Variants in ZNF816 observed in about 807,000 individuals in gnomAD.
ZNF816 encodes the protein zinc finger protein 816A.
Under a neutral mutation model 8.3 loss-of-function variants are expected in ZNF816, and 11 were observed. That is an observed-to-expected ratio of 1.32 (90% confidence interval 0.83 to 2.19). The LOEUF (loss-of-function observed/expected upper bound fraction) is 2.19, where lower values mean the gene tolerates loss of function less well. ZNF816 is among the 30% of genes most tolerant of loss of function. The probability of loss-of-function intolerance (pLI) is 0.00; values close to 1 mark genes in which losing one functional copy is unlikely to be tolerated. For missense variants in ZNF816, 710 were observed against 779.3 expected (o/e 0.91, Z 1.06); for synonymous variants, 255 against 254.5 (o/e 1.00, Z -0.02).
rs527331642 is a variant in ZNF816 at position 52,949,425 on chromosome 19, C to T, written c.*394G>A. On this transcript the variant is annotated 3_prime_UTR_variant, in exon 4 of 4. Transcript: ENST00000444460. ...TATTCATTTTATTTGGAACAATTAT[C>T]TCAAAAATGAATTTTCTGATGTTCT... 15 of 297,006 alleles carry T rather than the reference C, an allele frequency of 5.1e-5. No individual in the cohort carries two copies. The East Asian group carries it at 1.1e-3, about 21-fold the overall frequency. 18.4% of individuals were successfully genotyped at this position (297,006 alleles called of 1,614,324 possible).
intron 1 of ZNF816, among the ~76,000 whole-genome samples, chr19:52,958,827 C>T (rs2083532158): frequency 6.6e-6 from 1 of 152,124 alleles, no homozygotes; most frequent in Non-Finnish European, 1.5e-5. Flanking sequence ...CCGTGGATCC[C>T]AAACTTTGTA....
Position 52,949,989 on chromosome 19 carries a change from T to G in ZNF816, c.1786A>C (p.Asn596His). The change falls in exon 4 of 4, where the codon AAT (asparagine) becomes CAT (histidine). Residue 596 changes from asparagine to histidine, a missense_variant. Physicochemically the swap from Asn to His is moderately conservative, Grantham distance 68. Transcript: ENST00000444460. ...TGATTAAAAACCTTGCCACATTCAT[T>G]ACACTTGTAAGGTTTCTCTCCAGTA... ...VHTGEKPYKC[N>H]ECGKVFNQKA... 6.8e-6 allele frequency: 11 copies of G among 1,613,960 alleles called. No individual in the cohort carries two copies. Among genetic ancestry groups the G allele is most frequent in the Non-Finnish European group, 9.3e-6 (11 of 1,179,916 alleles).
chr19:52,951,845 C>T lies in ZNF816; in HGVS notation c.191-261G>A, dbSNP rs115473754. On this transcript the variant is annotated intron_variant, in intron 3 of 3. Coordinates refer to ENST00000444460, the MANE Select transcript of ZNF816 (RefSeq NM_001202457.3). ...GCCAGGAGGCAGAGGTTGCAGCATG[C>T]GGAGATCACCACATTGCACTCCAGC... is the stretch of plus-strand genomic sequence containing the variant. The T allele has an allele frequency of 4.1e-3, 1,875 of 456,666 alleles. 37 individuals are homozygous for T. The highest frequency in any genetic ancestry group is 0.033 in the African/African-American group (1,616 of 49,056). 28.3% of individuals were successfully genotyped at this position (456,666 alleles called of 1,614,324 possible).
chr19:52,953,029 T>G, intron 2 of ZNF816, 152 bp from the exon 3 acceptor site: 2 of 1,370,794 alleles, frequency 1.5e-6, no homozygotes, highest in Non-Finnish European at 1.9e-6. Flanking sequence ...TTTTTCAGTA[T>G]AGTTGCATTT....
chr19:52,953,854 A>G (rs905422868), intron 2 of ZNF816, among the ~76,000 whole-genome samples: 3 of 149,264 alleles, frequency 2.0e-5, no homozygotes, highest in Non-Finnish European at 4.4e-5. Context: ...AACCTCTCCA[A>G]CATGGCAAAA....
rs1290305152 is a variant in ZNF816 at position 52,950,774 on chromosome 19, A to C, written c.1001T>G (p.Leu334Arg). The change falls in exon 4 of 4, where the codon CTT becomes CGT. Residue 334 changes from leucine (L) to arginine (R), a missense_variant. Leu to Arg is a moderately radical substitution (Grantham distance 102, BLOSUM62 -2). Coordinates refer to ENST00000444460, the MANE Select transcript of ZNF816 (RefSeq NM_001202457.3). ...CTTGTAAGGTTTCTCTCCAGTATGA[A>C]GTCTACGATGGCATCTAAGGGATGA... Reference protein sequence around the residue: ...EKSSLRCHRRLHTGEKPYKCN... With the variant: ...EKSSLRCHRRRHTGEKPYKCN... The C allele has an allele frequency of 6.2e-7, 1 of 1,613,568 alleles. No individual in the cohort carries two copies. The highest frequency in any genetic ancestry group is 2.2e-5 in the East Asian group (1 of 44,858).
chr19:52,953,460 TTA>T (rs1266197351), intron 2 of ZNF816: 2 of 95,684 alleles, frequency 2.1e-5, no homozygotes, highest in East Asian at 2.4e-4. Context: ...TAATATATAC[TTA>T]TATATATTAT....
chr19:52,951,112 T>A lies in ZNF816; in HGVS notation c.663A>T (p.Glu221Asp), dbSNP rs773727653. Residue 221 changes from glutamate (E) to aspartate (D), a missense_variant, in exon 4 of 4, where the codon GAA becomes GAT. Transcript: ENST00000444460. ...FLHSSFTQIQEICMREKPCQS... is the reference protein window; with the variant it reads ...FLHSSFTQIQDICMREKPCQS... ...GGCAAGGTTTTTCTCTCATGCATAT[T>A]TCCTGTATTTGTGTGAATGAAGAAT... 1 of 1,614,028 alleles carries A rather than the reference T, an allele frequency of 6.2e-7. No individual in the cohort carries two copies. The highest frequency in any genetic ancestry group is 8.5e-7 in the Non-Finnish European group (1 of 1,179,998).
At position 52,950,807 on chromosome 19, in the gene ZNF816, C is replaced by T; in HGVS notation, c.968G>A (p.Ser323Asn). 6.2e-7 allele frequency: 1 copy of T among 1,607,506 alleles called. No homozygotes were observed. Among genetic ancestry groups the T allele is most frequent in the Middle Eastern group, 1.7e-4 (1 of 6,060 alleles). ...ATGGCATCTAAGGGATGACTTCTCA[C>T]TGAAGGTCTTGCCACACTCATTACA... ...YKCNECGKTF[S>N]EKSSLRCHRR... Residue 323 changes from serine (S) to asparagine (N), a missense_variant, in exon 4 of 4, where the codon AGT becomes AAT. Transcript: ENST00000444460.
intron 3 of ZNF816, chr19:52,951,845 C>A: frequency 2.2e-6 from 1 of 456,668 alleles, no homozygotes; most frequent in South Asian, 5.7e-5. Flanking sequence ...TTGCAGCATG[C>A]GGAGATCACC....
At chr19:52,958,916 G>A (rs905227715) in intron 1 of ZNF816, among the ~76,000 whole-genome samples, 11 of 152,228 alleles carry the variant, frequency 7.2e-5, no homozygotes. Context: ...ACAACAGCAA[G>A]CCTTTCATGA....
Position 52,950,099 on chromosome 19 carries a change from T to C in ZNF816, c.1676A>G (p.His559Arg). The change falls in exon 4 of 4, where the codon CAT becomes CGT. Residue 559 changes from histidine to arginine, a missense_variant. His to Arg is a conservative substitution (Grantham distance 29). Transcript: ENST00000444460. ...ACACTTGTAAGGTTTCTCTCCAGTATGAACTCTCGTATGGTTTGCAAGGCA... is the reference window on the plus strand; with the variant it reads ...ACACTTGTAAGGTTTCTCTCCAGTACGAACTCTCGTATGGTTTGCAAGGCA... The part of the protein sequence containing the change: ...DSCLANHTRV[H>R]TGEKPYKCNK... 6.2e-7 allele frequency: 1 copy of C among 1,614,154 alleles called. No individual in the cohort carries two copies. The highest frequency in any genetic ancestry group is 1.1e-5 in the South Asian group (1 of 91,074).
In ZNF816 at chr19:52,951,039, TC is replaced by T; in HGVS notation, c.735del (p.Arg246AspfsTer4). 1 of 1,614,066 alleles carries T rather than the reference TC, an allele frequency of 6.2e-7. No homozygotes were observed. Among genetic ancestry groups the T allele is most frequent in the Non-Finnish European group, 8.5e-7 (1 of 1,180,012 alleles). On this transcript the variant is annotated frameshift_variant, in exon 4 of 4. Transcript: ENST00000444460. LOFTEE classifies it low-confidence loss of function (END_TRUNC). ...TCTCTTGAATGGGTTATGTGGTGTCTCCTTAAGAGTGAGCTATAATTAAAGG... is the reference window on the plus strand; with the variant it reads ...TCTCTTGAATGGGTTATGTGGTGTCTCTTAAGAGTGAGCTATAATTAAAGG... ...GKAFNYSSLL[R>X]RHHITHSRER...
intron 1 of ZNF816, among the ~76,000 whole-genome samples, chr19:52,959,020 A>G (rs532018025): frequency 1.1e-3 from 162 of 152,370 alleles, no homozygotes; most frequent in African/African-American, 3.6e-3. Context: ...AAAATACGGC[A>G]GTTAGGGTTT....
Position 52,953,556 on chromosome 19 carries a change from ATAATATGTAT to A in ZNF816, c.64-689_64-680del, listed in dbSNP as rs1158312996. Among the ~76,000 whole-genome samples the A allele has an allele frequency of 2.7e-4, 12 of 45,242 alleles. 1 individual carries two copies. In the African/African-American group the frequency reaches 5.8e-3, roughly 22 times the overall value. 29.7% of individuals were successfully genotyped at this position (45,242 alleles called of 152,430 possible). On this transcript the variant is annotated intron_variant, in intron 2 of 3. Transcript: ENST00000444460. ...TATAATATATAATACAATATTATAT[ATAATATGTAT>A]TTATAAAATATAATATATAATACAA... is the stretch of plus-strand genomic sequence containing the variant.
Position 52,951,225 on chromosome 19 carries a change from T to C in ZNF816, c.550A>G (p.Ile184Val), listed in dbSNP as rs553105894. Residue 184 changes from isoleucine (I) to valine (V), a missense_variant, in exon 4 of 4, where the codon ATC (isoleucine) becomes GTC (valine). By Grantham distance (29) the Ile-to-Val change is conservative (BLOSUM62 3). Coordinates refer to ENST00000444460, the MANE Select transcript of ZNF816 (RefSeq NM_001202457.3). ...GATTCTGAAGCTGAGGAAGCACCGATAGACTTGTCCAATTGGTTACTAATT... is the reference window on the plus strand; with the variant it reads ...GATTCTGAAGCTGAGGAAGCACCGACAGACTTGTCCAATTGGTTACTAATT... ...GKISNQLDKS[I>V]GASSASESQR... 1.1e-5 allele frequency: 17 copies of C among 1,614,042 alleles called. No individual in the cohort carries two copies. The highest frequency in any genetic ancestry group is 3.3e-5 in the Admixed American group (2 of 60,024).
At chr19:52,953,517 ATATAT>A (rs2083480161) in intron 2 of ZNF816, 1 of 132,508 alleles carries the variant, frequency 7.5e-6, no homozygotes, top group Non-Finnish European at 1.5e-5. Flanking sequence ...TATATATAAT[ATATAT>A]TTATAATATA....
intron 2 of ZNF816, among the ~76,000 whole-genome samples, chr19:52,953,127 G>A (rs1008117322): frequency 6.6e-6 from 1 of 151,958 alleles, no homozygotes; most frequent in South Asian, 2.1e-4. Context: ...CAGGAATGGT[G>A]GCTCATGCCT....
At chr19:52,953,742 T>C (rs1038559002) in intron 2 of ZNF816, among the ~76,000 whole-genome samples, 2 of 143,164 alleles carry the variant, frequency 1.4e-5, no homozygotes, top group African/African-American at 5.1e-5. Flanking sequence ...ATATTTTATA[T>C]ATATATATAA....
Sources: gnomAD v4.1 joint callset for allele counts (sites outside exome capture counted in the v4.1 genomes callset) on GRCh38, gnomAD v4.1.1 for gene constraint, MANE v1.5 for transcripts, NCBI Gene and HGNC (gene_info 2026-07-23, HGNC 2026-07-21) for gene names.